DGKB: variants seen among roughly 807,000 people sequenced by gnomAD.
DGKB encodes the protein 90 kDa diacylglycerol kinase.
In DGKB, 67 loss-of-function variants were observed where a neutral mutation model predicts 114.3. The ratio of observed to expected loss-of-function variants is 0.59; its 90% CI spans 0.48 to 0.72. The LOEUF (loss-of-function observed/expected upper bound fraction) is 0.72. Among genes scored for constraint, DGKB ranks in the 30% least tolerant of loss-of-function variants. The probability of loss-of-function intolerance (pLI) is 0.00; values close to 1 mark genes in which losing one functional copy is unlikely to be tolerated. For missense variants in DGKB, 907 were observed against 975.2 expected (o/e 0.93, Z 0.93); for synonymous variants, 398 against 323.1 (o/e 1.23, Z -2.49).
chr7:14,894,833 C>T (rs1461544039), intron 1 of DGKB, among the ~76,000 whole-genome samples: 2 of 151,400 alleles, frequency 1.3e-5, no homozygotes, highest in Non-Finnish European at 3.0e-5. Context: ...AGCCAGACAC[C>T]CAAAACAACA....
At chr7:14,248,355 G>C (rs534468310) in intron 23 of DGKB, among the ~76,000 whole-genome samples, 1 of 152,012 alleles carries the variant, frequency 6.6e-6, no homozygotes, top group Non-Finnish European at 1.5e-5. Flanking sequence ...TTCCATATAA[G>C]TTTTAGGATT....
rs549253407 is a variant in DGKB at position 14,383,718 on chromosome 7, A to C, written c.1836-38327T>G. Among the ~76,000 whole-genome samples the C allele has an allele frequency of 3.9e-5, 6 of 152,338 alleles. No individual in the cohort carries two copies. The South Asian group carries it at 1.2e-3, about 32-fold the overall frequency. On this transcript the variant is annotated intron_variant, in intron 21 of 25. Coordinates refer to ENST00000402815, the MANE Select transcript of DGKB (RefSeq NM_001350709.2). ...TTTAAGCATTTGTCCTGAAGGTCTCACACAATATTTTTGCATACGTCTCAC... is the reference window on the plus strand; with the variant it reads ...TTTAAGCATTTGTCCTGAAGGTCTCCCACAATATTTTTGCATACGTCTCAC...
chr7:14,713,391 ATTTTGATACTGATTT>A (rs1445915791), intron 6 of DGKB, among the ~76,000 whole-genome samples: 1 of 150,828 alleles, frequency 6.6e-6, no homozygotes, highest in African/African-American at 2.4e-5. Flanking sequence ...ACTCTTGTAT[ATTTTGATACTGATTT>A]AATAAACTTT....
At position 14,811,672 on chromosome 7, in the gene DGKB, A is replaced by G. The variant is rs555925184; in HGVS notation, c.70+29522T>C. Reference sequence around the variant, plus strand: ...AATTACTTATGTAATTAATTAAAACAATATTCTAATGTCAGAATTCCCTGA... The same window carrying G: ...AATTACTTATGTAATTAATTAAAACGATATTCTAATGTCAGAATTCCCTGA... On this transcript the variant is annotated intron_variant, in intron 2 of 25. Coordinates refer to ENST00000402815, the MANE Select transcript of DGKB (RefSeq NM_001350709.2). Among the ~76,000 whole-genome samples the G allele has an allele frequency of 3.7e-4, 56 of 152,262 alleles. 1 individual carries two copies. The South Asian group carries it at 0.011, about 30-fold the overall frequency.
intron 20 of DGKB, among the ~76,000 whole-genome samples, chr7:14,527,295 A>G (rs1790806456): frequency 6.6e-6 from 1 of 152,166 alleles, no homozygotes; most frequent in Non-Finnish European, 1.5e-5. Flanking sequence ...TATCCACTGT[A>G]TACAGAACAG....
intron 20 of DGKB, among the ~76,000 whole-genome samples, chr7:14,561,420 C>T (rs1796640801): frequency 2.0e-5 from 3 of 152,054 alleles, no homozygotes; most frequent in African/African-American, 2.4e-5. Context: ...CCAAGAGTGG[C>T]GTGCTGTTTT....
chr7:14,401,127 T>C (rs186367052), intron 21 of DGKB, among the ~76,000 whole-genome samples: 19 of 152,024 alleles, frequency 1.2e-4, no homozygotes, highest in Admixed American at 2.6e-4. Context: ...ATTTTAACTT[T>C]TGGCTCAAGG....
At chr7:14,714,678 T>C (rs1254440340) in intron 6 of DGKB, among the ~76,000 whole-genome samples, 1 of 152,160 alleles carries the variant, frequency 6.6e-6, no homozygotes, top group Non-Finnish European at 1.5e-5. Flanking sequence ...AGAGAAACAC[T>C]GAGCACTGAA....
chr7:14,422,631 A>T (rs1032295033), intron 21 of DGKB, among the ~76,000 whole-genome samples: 1 of 151,970 alleles, frequency 6.6e-6, no homozygotes, highest in African/African-American at 2.4e-5. Flanking sequence ...TTAAAGTTCT[A>T]TTTCTCTCAT....
intron 21 of DGKB, among the ~76,000 whole-genome samples, chr7:14,410,993 G>T (rs1824776482): frequency 6.6e-6 from 1 of 152,134 alleles, no homozygotes; most frequent in African/African-American, 2.4e-5. Flanking sequence ...CTTACTTGAA[G>T]TCTTGAATTT....
intron 1 of DGKB, among the ~76,000 whole-genome samples, chr7:14,886,906 C>T (rs1780371286): frequency 6.6e-6 from 1 of 151,958 alleles, no homozygotes; most frequent in Admixed American, 6.6e-5. Flanking sequence ...CCCACTCCAG[C>T]CAAAATGGAC....
intron 20 of DGKB, among the ~76,000 whole-genome samples, chr7:14,528,247 T>C (rs1346912145): frequency 6.6e-6 from 1 of 152,082 alleles, no homozygotes. Context: ...CTTTATAAAA[T>C]AGCCCATTCT....
At chr7:14,687,782 T>C (rs1821982704) in intron 9 of DGKB, among the ~76,000 whole-genome samples, 1 of 152,202 alleles carries the variant, frequency 6.6e-6, no homozygotes, top group Non-Finnish European at 1.5e-5. Context: ...GTCCATTACA[T>C]GTGAATAAGC....
chr7:14,594,180 T>G (rs577074727), intron 17 of DGKB, among the ~76,000 whole-genome samples: 2 of 152,250 alleles, frequency 1.3e-5, no homozygotes, highest in African/African-American at 4.8e-5. Context: ...TTCTCTCATC[T>G]GTAAGTGTGT....
At chr7:14,414,699 C>T (rs565327776) in intron 21 of DGKB, among the ~76,000 whole-genome samples, 4 of 152,036 alleles carry the variant, frequency 2.6e-5, no homozygotes, top group African/African-American at 9.7e-5. Context: ...ATAACATTAT[C>T]AAACTTTTTT....
At chr7:14,499,313 T>A (rs1023095632) in intron 20 of DGKB, among the ~76,000 whole-genome samples, 2 of 151,738 alleles carry the variant, frequency 1.3e-5, no homozygotes, top group African/African-American at 2.4e-5. Flanking sequence ...AGGCTGAGAC[T>A]TAACAACTTT....
chr7:14,676,328 G>A (rs1819850102), intron 12 of DGKB, among the ~76,000 whole-genome samples: 1 of 152,062 alleles, frequency 6.6e-6, no homozygotes, highest in South Asian at 2.1e-4. Context: ...GCTTTTTATA[G>A]TTTGAAAGAA....
intron 21 of DGKB, among the ~76,000 whole-genome samples, chr7:14,356,290 G>A (rs1486377796): frequency 6.8e-6 from 1 of 146,804 alleles, no homozygotes; most frequent in Non-Finnish European, 1.5e-5. Context: ...GTTCTGCCCT[G>A]ATCTTAGTTG....
chr7:14,805,998 G>A (rs4719421), intron 2 of DGKB, among the ~76,000 whole-genome samples: 2 of 150,988 alleles, frequency 1.3e-5, no homozygotes, highest in East Asian at 1.9e-4. Context: ...ATAATTTCAC[G>A]AATATTTATA....
Sources: gnomAD v4.1 joint callset for allele counts (sites outside exome capture counted in the v4.1 genomes callset) on GRCh38, gnomAD v4.1.1 for gene constraint, MANE v1.5 for transcripts, NCBI Gene and HGNC (gene_info 2026-07-23, HGNC 2026-07-21) for gene names.